The following VWA3B variants were observed in gnomAD, a reference collection of about 807,000 sequenced individuals.
VWA3B encodes von Willebrand factor A domain containing 3B, also known as von Willebrand factor A domain-containing protein 3B.
Under a neutral mutation model 158.3 loss-of-function variants are expected in VWA3B, and 138 were observed. The observed-to-expected ratio is 0.87, with a 90% confidence interval of 0.76 to 1.00. The LOEUF is 1.00. VWA3B is among the 50% of genes least tolerant of loss of function. The probability of loss-of-function intolerance (pLI) is 0.00; values close to 1 mark genes in which losing one functional copy is unlikely to be tolerated. For synonymous variants in VWA3B, 596 were observed against 587.3 expected (o/e 1.01, Z -0.21); for missense variants, 1,555 against 1,565.1 (o/e 0.99, Z 0.11).
chr2:98,200,903 G>A (rs906023590), intron 12 of VWA3B, among the ~76,000 whole-genome samples: 4 of 152,160 alleles, frequency 2.6e-5, no homozygotes, highest in African/African-American at 4.8e-5. Context: ...TCCTCTCTCC[G>A]TGGAATTACT....
intron 22 of VWA3B, among the ~76,000 whole-genome samples, chr2:98,284,347 GT>G (rs1203020172): frequency 6.6e-6 from 1 of 152,088 alleles, no homozygotes; most frequent in Admixed American, 6.6e-5. Context: ...CTCCAAACAG[GT>G]CCAAATGATA....
rs558616884 is a variant in VWA3B at position 98,301,118 on chromosome 2, A to G, written c.3420+902A>G. The stretch of plus-strand genomic sequence containing the variant: ...ATCCTGGCTAACACGGTGAAACCCC[A>G]TCTCTACTAAAAATACAAAAAATGA... On this transcript the variant is annotated intron_variant, in intron 25 of 27. Coordinates refer to ENST00000477737, the MANE Select transcript of VWA3B (RefSeq NM_144992.5). 6.6e-5 allele frequency among the ~76,000 whole-genome samples: 10 copies of G among 152,132 alleles called. No homozygotes were observed. The East Asian group carries it at 1.2e-3, about 18-fold the overall frequency.
At chr2:98,278,571 G>A (rs1447377544) in intron 22 of VWA3B, among the ~76,000 whole-genome samples, 8 of 150,612 alleles carry the variant, frequency 5.3e-5, no homozygotes, top group Non-Finnish European at 1.2e-4. Context: ...GGATGGAGTG[G>A]GAAGGTGGTC....
At chr2:98,238,505 G>T (rs906756390) in intron 19 of VWA3B, among the ~76,000 whole-genome samples, 7 of 152,200 alleles carry the variant, frequency 4.6e-5, no homozygotes, top group Middle Eastern at 3.4e-3. Flanking sequence ...CTTAGAAATA[G>T]AATTTTCTTG....
chr2:98,306,090 G>A (rs1329062163), intron 26 of VWA3B, among the ~76,000 whole-genome samples: 1 of 152,096 alleles, frequency 6.6e-6, no homozygotes, highest in Non-Finnish European at 1.5e-5. Flanking sequence ...GCCTTCACCA[G>A]ATTAAGTATT....
At chr2:98,156,395 C>T (rs754220285) in intron 7 of VWA3B, among the ~76,000 whole-genome samples, 15 of 152,186 alleles carry the variant, frequency 9.9e-5, no homozygotes, top group Non-Finnish European at 2.2e-4. Flanking sequence ...GATCCATCTA[C>T]GTGAGTGATA....
chr2:98,316,294 G>A (rs576728476), downstream of VWA3B, among the ~76,000 whole-genome samples: 11 of 152,268 alleles, frequency 7.2e-5, no homozygotes, highest in African/African-American at 2.4e-4. Flanking sequence ...TTGATTTTGA[G>A]GTTACAAATA....
intron 22 of VWA3B, among the ~76,000 whole-genome samples, chr2:98,283,275 G>A (rs1688986169): frequency 6.6e-6 from 1 of 152,214 alleles, no homozygotes; most frequent in African/African-American, 2.4e-5. Flanking sequence ...TGCCTTCCCA[G>A]AATCGATGTG....
chr2:98,095,174 A>G (rs774649521), intron 2 of VWA3B, among the ~76,000 whole-genome samples: 13 of 152,210 alleles, frequency 8.5e-5, no homozygotes, highest in Non-Finnish European at 1.6e-4. Flanking sequence ...TGTCATTGGT[A>G]TTTTGTTAGG....
intron 14 of VWA3B, among the ~76,000 whole-genome samples, chr2:98,224,864 A>C (rs1684789579): frequency 6.6e-6 from 1 of 152,234 alleles, no homozygotes; most frequent in South Asian, 2.1e-4. Flanking sequence ...TCATGCAAAA[A>C]TCCTCAACAA....
chr2:98,128,456 C>T, intron 6 of VWA3B, 48 bp downstream of exon 6: 1 of 1,592,804 alleles, frequency 6.3e-7, no homozygotes, highest in Non-Finnish European at 8.6e-7. Context: ...GTTGCCTGCT[C>T]ACACAGGATC....
chr2:98,258,735 A>T (rs1687305317), intron 21 of VWA3B, among the ~76,000 whole-genome samples: 2 of 151,824 alleles, frequency 1.3e-5, no homozygotes, highest in African/African-American at 4.8e-5. Context: ...TTTGTGGGGA[A>T]TCTATGGGGT....
At chr2:98,123,523 C>CT (rs1443607011) in intron 5 of VWA3B, among the ~76,000 whole-genome samples, 2 of 152,220 alleles carry the variant, frequency 1.3e-5, no homozygotes, top group African/African-American at 4.8e-5. Context: ...GAGAGAGAGC[C>CT]TTGAGGTCTA....
At chr2:98,327,030 C>CA in the VWA3B span, among the ~76,000 whole-genome samples, 1 of 151,284 alleles carries the variant, frequency 6.6e-6, no homozygotes, top group East Asian at 2.0e-4. Context: ...TGCAGAGACT[C>CA]ACGCCTGTAA....
Position 98,230,150 on chromosome 2 carries a change from A to G in VWA3B, c.2251A>G (p.Lys751Glu). ...ACAAACTTCATCTCTGAATATGTTG[A>G]AGGGACCATGGGGCCTTTCAGATCA... ...STQTSSLNML[K>E]GPWGLSDQKV... The change falls in exon 16 of 28, where the codon AAG becomes GAG. Residue 751 changes from lysine to glutamate, a missense_variant. Coordinates refer to ENST00000477737, the MANE Select transcript of VWA3B (RefSeq NM_144992.5). The G allele has an allele frequency of 6.2e-7, 1 of 1,610,514 alleles. No homozygotes were observed. Among genetic ancestry groups the G allele is most frequent in the Non-Finnish European group, 8.5e-7 (1 of 1,179,170 alleles).
At chr2:98,311,640 G>A (rs1037854955) in intron 26 of VWA3B, among the ~76,000 whole-genome samples, 179 bp from the exon 27 acceptor site, 1 of 152,160 alleles carries the variant, frequency 6.6e-6, no homozygotes, top group African/African-American at 2.4e-5. Flanking sequence ...TCGTGGAAAT[G>A]AACTGAGTGG....
intron 12 of VWA3B, among the ~76,000 whole-genome samples, chr2:98,197,550 A>T (rs893021899): frequency 6.6e-6 from 1 of 151,912 alleles, no homozygotes; most frequent in Non-Finnish European, 1.5e-5. Context: ...TTCCTTTTAC[A>T]TTTCTATATT....
intron 2 of VWA3B, among the ~76,000 whole-genome samples, chr2:98,097,179 T>G (rs1682774187): frequency 6.6e-6 from 1 of 152,180 alleles, no homozygotes; most frequent in Non-Finnish European, 1.5e-5. Context: ...TGGTGAAGTC[T>G]GAGATTTCAG....
At chr2:98,114,343 A>C (rs1363729110) in intron 2 of VWA3B, among the ~76,000 whole-genome samples, 1 of 152,242 alleles carries the variant, frequency 6.6e-6, no homozygotes, top group African/African-American at 2.4e-5. Context: ...TCAGCTAAGA[A>C]GGTGAAATAT....
Sources: gnomAD v4.1 joint callset for allele counts (sites outside exome capture counted in the v4.1 genomes callset) on GRCh38, gnomAD v4.1.1 for gene constraint, MANE v1.5 for transcripts, NCBI Gene and HGNC (gene_info 2026-07-23, HGNC 2026-07-21) for gene names.